The following CDH2 variants were observed in gnomAD, a reference collection of about 807,000 sequenced individuals.
CDH2 encodes the protein cadherin 2.
In CDH2, 17 loss-of-function variants were observed where a neutral mutation model predicts 92.0. That is an observed-to-expected ratio of 0.18 (90% CI 0.13 to 0.28). The LOEUF is 0.28. Among genes scored for constraint, CDH2 ranks in the 10% least tolerant of loss-of-function variants. CDH2 has a pLI of 1.00. For missense variants in CDH2, 862 were observed against 1,133.1 expected, an observed-to-expected ratio of 0.76 and a Z score of 3.44; for synonymous variants, 419 against 415.9, an observed-to-expected ratio of 1.01 and a Z score of -0.09.
intron 2 of CDH2, among the ~76,000 whole-genome samples, chr18:28,144,123 C>A (rs1466429183): frequency 6.6e-6 from 1 of 151,310 alleles, no homozygotes; most frequent in African/African-American, 2.4e-5. Context: ...ATGTAACAAA[C>A]CTGCACGTTC....
intron 2 of CDH2, among the ~76,000 whole-genome samples, chr18:28,016,271 A>G (rs180770995): frequency 5.9e-5 from 9 of 152,332 alleles, no homozygotes; most frequent in Non-Finnish European, 1.0e-4. Flanking sequence ...TGGCTTCATG[A>G]GAGTTAAGTA....
At chr18:27,995,172 G>C (rs2012540318) in intron 7 of CDH2, among the ~76,000 whole-genome samples, 1 of 151,908 alleles carries the variant, frequency 6.6e-6, no homozygotes, top group African/African-American at 2.4e-5. Flanking sequence ...AAATTAGCCA[G>C]GCGTGGTGGT....
rs200762335 is a variant in CDH2 at position 27,990,347 on chromosome 18, T to A, written c.1348A>T (p.Ile450Phe). 19 of 1,606,562 alleles carry A rather than the reference T, an allele frequency of 1.2e-5. No individual in the cohort carries two copies. The highest frequency in any genetic ancestry group is 1.4e-5 in the Non-Finnish European group (16 of 1,174,418). Reference sequence around the variant, plus strand: ...AACATCCTATTTGTTTCAAAGTCGATTGGCTGGAAAATAAAAGGGAAGCCA... The same window carrying A: ...AACATCCTATTTGTTTCAAAGTCGAATGGCTGGAAAATAAAAGGGAAGCCA... Reference protein sequence around the residue: ...NDGLVTVVKPIDFETNRMFVL... With the variant: ...NDGLVTVVKPFDFETNRMFVL... The change falls in exon 10 of 16, where the codon ATC (isoleucine) becomes TTC (phenylalanine). Residue 450 changes from isoleucine to phenylalanine, a missense_variant. Transcript: ENST00000269141.
At position 27,963,343 on chromosome 18, in the gene CDH2, G is replaced by A; in HGVS notation, c.2514+14C>T. 2 of 1,612,386 alleles carry A rather than the reference G, an allele frequency of 1.2e-6. No homozygotes were observed. The highest frequency in any genetic ancestry group is 1.1e-5 in the South Asian group (1 of 90,978). On this transcript the variant is annotated intron_variant, in intron 15 of 15. Transcript: ENST00000269141. ...ATGAAAACTCTTATAGAGAAAACGA[G>A]TGTCTCTCTGTACCTCATTAATGAA...
intron 2 of CDH2, among the ~76,000 whole-genome samples, chr18:28,108,832 A>G (rs2015364339): frequency 6.6e-6 from 1 of 151,964 alleles, no homozygotes; most frequent in South Asian, 2.1e-4. Flanking sequence ...CCTCACGTAG[A>G]AGCAAGGGTG....
intron 1 of CDH2, among the ~76,000 whole-genome samples, chr18:28,160,668 T>C (rs867255691): frequency 2.6e-5 from 4 of 152,092 alleles, no homozygotes; most frequent in Admixed American, 6.5e-5. Flanking sequence ...GGCCCGAGAC[T>C]GAAAACACCT....
At chr18:28,076,393 G>C (rs1464070554) in intron 2 of CDH2, among the ~76,000 whole-genome samples, 1 of 152,094 alleles carries the variant, frequency 6.6e-6, no homozygotes, top group Non-Finnish European at 1.5e-5. Context: ...TAATCTGTTA[G>C]ATAGAGACTC....
At chr18:28,090,172 C>G (rs2015009944) in intron 2 of CDH2, among the ~76,000 whole-genome samples, 1 of 152,000 alleles carries the variant, frequency 6.6e-6, no homozygotes, top group African/African-American at 2.4e-5. Context: ...CTATGTGGAC[C>G]CCACATATTA....
chr18:27,995,084 A>G lies in CDH2; in HGVS notation c.1021-1447T>C, dbSNP rs370912499. Among the ~76,000 whole-genome samples the G allele has an allele frequency of 4.0e-4, 61 of 152,136 alleles. No homozygotes were observed. In the Middle Eastern group the frequency reaches 0.017, roughly 42 times the overall value. On this transcript the variant is annotated intron_variant, in intron 7 of 15. Transcript: ENST00000269141. Reference sequence around the variant, plus strand: ...TCTCAGCACTTTGGGAGGTCGAGGCAGGCGGATCATGAGGTCAGGAGTTCA... The same window carrying G: ...TCTCAGCACTTTGGGAGGTCGAGGCGGGCGGATCATGAGGTCAGGAGTTCA...
chr18:28,167,736 T>C (rs2016407421), intron 1 of CDH2, among the ~76,000 whole-genome samples: 1 of 152,102 alleles, frequency 6.6e-6, no homozygotes, highest in South Asian at 2.1e-4. Context: ...CCTGTATGCA[T>C]TTGACACTTC....
At chr18:28,170,997 G>A (rs2016456670) in intron 1 of CDH2, among the ~76,000 whole-genome samples, 1 of 151,774 alleles carries the variant, frequency 6.6e-6, no homozygotes, top group Non-Finnish European at 1.5e-5. Flanking sequence ...GGGAGGCCGA[G>A]GCAGGCGGAT....
At chr18:28,137,575 AAAAAAC>A (rs371188761) in intron 2 of CDH2, among the ~76,000 whole-genome samples, 31,242 of 151,204 alleles carry the variant, frequency 0.21, 3,730 homozygotes, top group Non-Finnish European at 0.28. Flanking sequence ...ATTAAAGGCA[AAAAAAC>A]AAAAACAAAA....
rs377497885 is a variant in CDH2 at position 28,102,623 on chromosome 18, C to T, written c.172+45050G>A. On this transcript the variant is annotated intron_variant, in intron 2 of 15. Transcript: ENST00000269141. ...AATGAATATGCAAATTATTCCCTTG[C>T]CTTTTTAAGTCAAGAGTTTAGCCAC... Among the ~76,000 whole-genome samples the T allele has an allele frequency of 7.9e-5, 12 of 152,174 alleles. No homozygotes were observed. In the South Asian group the frequency reaches 2.3e-3, roughly 29 times the overall value.
chr18:28,107,502 T>C (rs1264320539), intron 2 of CDH2, among the ~76,000 whole-genome samples: 1 of 151,986 alleles, frequency 6.6e-6, no homozygotes, highest in Non-Finnish European at 1.5e-5. Flanking sequence ...ATGTAGAAAA[T>C]ACGAGAACCA....
chr18:27,989,862 A>G (rs1008471639), intron 10 of CDH2, among the ~76,000 whole-genome samples: 6 of 152,220 alleles, frequency 3.9e-5, no homozygotes, highest in African/African-American at 1.2e-4. Flanking sequence ...ACAGAGAAAC[A>G]AGAACAGCTT....
At chr18:27,954,734 G>T (rs1379561585) in intron 15 of CDH2, 1 of 152,160 alleles carries the variant, frequency 6.6e-6, no homozygotes, top group Non-Finnish European at 1.5e-5. Context: ...CATTTTGTTT[G>T]TGTTTATTCA....
intron 2 of CDH2, among the ~76,000 whole-genome samples, chr18:28,055,246 T>C (rs1238053245): frequency 1.3e-5 from 2 of 152,110 alleles, no homozygotes; most frequent in African/African-American, 4.8e-5. Flanking sequence ...ATGAGAACAG[T>C]GTGGGGAAAC....
At chr18:28,157,157 C>T (rs2016232462) in intron 1 of CDH2, among the ~76,000 whole-genome samples, 1 of 152,284 alleles carries the variant, frequency 6.6e-6, no homozygotes, top group Admixed American at 6.5e-5. Flanking sequence ...CAGAAGTGCC[C>T]GTGGCATTCC....
chr18:28,042,693 C>T (rs952091492), intron 2 of CDH2, among the ~76,000 whole-genome samples: 4 of 151,980 alleles, frequency 2.6e-5, no homozygotes, highest in African/African-American at 4.8e-5. Context: ...AGATTTGCAT[C>T]GATAAGAACA....
Sources: gnomAD v4.1 joint callset for allele counts (sites outside exome capture counted in the v4.1 genomes callset) on GRCh38, gnomAD v4.1.1 for gene constraint, MANE v1.5 for transcripts, NCBI Gene and HGNC (gene_info 2026-07-23, HGNC 2026-07-21) for gene names.